The following PTPRQ variants were observed in gnomAD, a reference collection of about 807,000 sequenced individuals.
The protein encoded by PTPRQ is phosphatidylinositol phosphatase PTPRQ.
Under a neutral mutation model 246.0 loss-of-function variants are expected in PTPRQ, and 199 were observed. The ratio of observed to expected loss-of-function variants is 0.81; its 90% confidence interval spans 0.72 to 0.91. PTPRQ has a LOEUF of 0.91. Ranked by LOEUF, PTPRQ falls within the 40% of genes least tolerant of loss-of-function variation. The pLI is 0.00. For synonymous variants in PTPRQ, 869 were observed against 853.2 expected, an observed-to-expected ratio of 1.02 and a Z score of -0.32; for missense variants, 2,624 against 2,528.4, an observed-to-expected ratio of 1.04 and a Z score of -0.81.
chr12:80,620,303 G>GATA lies in PTPRQ; in HGVS notation c.5542_5544dup (p.Asn1848dup), dbSNP rs760739548. ...TGAAGAAATCTACATCATAGGTGCT[G>GATA]ATAATGCATGCATGATTCCTGGCAA... is the stretch of plus-strand genomic sequence containing the variant. On this transcript the variant is annotated inframe_insertion, in exon 32 of 45. Coordinates refer to ENST00000644991, the MANE Select transcript of PTPRQ (RefSeq NM_001145026.2). 1.1e-4 allele frequency: 173 copies of GATA among 1,549,398 alleles called. No homozygotes were observed. Among genetic ancestry groups the GATA allele is most frequent in the Non-Finnish European group, 1.5e-4 (167 of 1,145,574 alleles).
rs530416889 is a variant in PTPRQ at position 80,444,777 on chromosome 12, G to A, written c.91G>A (p.Asp31Asn). ...CAATGTCGTTCCTGGTACTAGGTAC[G>A]ATATAACCATCTCTTCAATTTCTAC... ...VSNVVPGTRY[D>N]ITISSISTTY... is the part of the protein sequence containing the mutation. The change falls in exon 2 of 45, where the codon GAT becomes AAT. Residue 31 changes from aspartate to asparagine, a missense_variant. By Grantham distance (23) the Asp-to-Asn change is conservative (BLOSUM62 1). Transcript: ENST00000644991. 3.2e-6 allele frequency: 5 copies of A among 1,539,818 alleles called. No homozygotes were observed. The highest frequency in any genetic ancestry group is 2.0e-5 in the Admixed American group (1 of 50,654).
chr12:80,642,852 G>A (rs1185114240), intron 35 of PTPRQ, among the ~76,000 whole-genome samples: 3 of 144,036 alleles, frequency 2.1e-5, no homozygotes, highest in Non-Finnish European at 4.5e-5. Flanking sequence ...CCCGGGAGGC[G>A]GAGCTTGCAG....
chr12:80,568,426 T>C (rs1386700699), intron 25 of PTPRQ, among the ~76,000 whole-genome samples: 2 of 152,328 alleles, frequency 1.3e-5, no homozygotes, highest in East Asian at 3.9e-4. Flanking sequence ...GCAAGAGTTC[T>C]CTTGGTGTGA....
intron 35 of PTPRQ, among the ~76,000 whole-genome samples, chr12:80,639,451 G>C (rs987827099): frequency 6.6e-6 from 1 of 152,000 alleles, no homozygotes; most frequent in East Asian, 1.9e-4. Context: ...GCCTATTTTA[G>C]TTGAGTGAAT....
chr12:80,673,102 T>A, intron 42 of PTPRQ, 67 bp from the exon 43 acceptor site: 1 of 1,534,856 alleles, frequency 6.5e-7, no homozygotes, highest in Non-Finnish European at 8.8e-7. Flanking sequence ...TAGCTCATTA[T>A]CTTTATCCCC....
chr12:80,446,658 C>T (rs974379067), intron 3 of PTPRQ, among the ~76,000 whole-genome samples: 1 of 151,954 alleles, frequency 6.6e-6, no homozygotes, highest in Admixed American at 6.6e-5. Flanking sequence ...ATAGCTCCCA[C>T]TTGTAAGTGA....
At position 80,506,131 on chromosome 12, in the gene PTPRQ, A is replaced by G. The variant is rs1443217431; in HGVS notation, c.2380A>G (p.Thr794Ala). The change falls in exon 15 of 45, where the codon ACA (threonine) becomes GCA (alanine). Residue 794 changes from threonine (T) to alanine (A), a missense_variant. Physicochemically the swap from Thr to Ala is moderately conservative, Grantham distance 58. Transcript: ENST00000644991. The part of the protein sequence containing the change: ...SSPNGIIQKY[T>A]IYLKRSNGNE... ...TCCCAATGGAATCATACAAAAATAT[A>G]CAATTTATCTCAAGAGAAGTAATGG... The G allele has an allele frequency of 1.3e-6, 2 of 1,539,874 alleles. No homozygotes were observed. Among genetic ancestry groups the G allele is most frequent in the Admixed American group, 2.0e-5 (1 of 49,012 alleles).
At chr12:80,450,923 C>G (rs1201947752) in intron 3 of PTPRQ, among the ~76,000 whole-genome samples, 6 of 152,148 alleles carry the variant, frequency 3.9e-5, no homozygotes, top group Admixed American at 3.9e-4. Context: ...CCCTCTTTTT[C>G]TATTGATTGG....
At chr12:80,678,828 A>AT in intron 44 of PTPRQ, 103 bp downstream of exon 44, 1 of 1,446,292 alleles carries the variant, frequency 6.9e-7, no homozygotes, top group Non-Finnish European at 9.1e-7. Flanking sequence ...AAGAAGCTGG[A>AT]TTAGTGCACA....
chr12:80,558,425 C>G (rs1336530702), intron 25 of PTPRQ, among the ~76,000 whole-genome samples: 1 of 151,320 alleles, frequency 6.6e-6, no homozygotes, highest in African/African-American at 2.4e-5. Context: ...ACCTCGGCCT[C>G]CCAAAGTGCT....
At chr12:80,539,739 A>T in intron 19 of PTPRQ, 37 bp from the exon 20 acceptor site, 1 of 1,493,850 alleles carries the variant, frequency 6.7e-7, no homozygotes, top group Non-Finnish European at 8.9e-7. Flanking sequence ...CATACTAAAA[A>T]AATACATTCT....
rs1249175131 is a variant in PTPRQ, at chr12:80,669,208, C to T, written c.6327+67C>T. 4 of 1,527,068 alleles carry T rather than the reference C, an allele frequency of 2.6e-6. No homozygotes were observed. In the East Asian group the frequency reaches 9.9e-5, roughly 38 times the overall value. 94.6% of individuals were successfully genotyped at this position (1,527,068 alleles called of 1,614,324 possible). A position where few individuals can be genotyped will look rare whatever the true frequency, so the allele number is the denominator to read the frequency against. On this transcript the variant is annotated intron_variant, in intron 40 of 44. Transcript: ENST00000644991. The stretch of plus-strand genomic sequence containing the variant: ...TGTGTTAACATATGTGTGAATATTT[C>T]ATCTAATACTGTGAGTCATCAATAA...
intron 33 of PTPRQ, among the ~76,000 whole-genome samples, chr12:80,628,103 G>A (rs1358255180): frequency 1.3e-5 from 2 of 151,910 alleles, no homozygotes; most frequent in Non-Finnish European, 2.9e-5. Flanking sequence ...ACCTAATAAA[G>A]AGGATTCTTT....
chr12:80,524,436 A>T (rs1235405230), intron 17 of PTPRQ, among the ~76,000 whole-genome samples: 2 of 152,146 alleles, frequency 1.3e-5, no homozygotes, highest in Non-Finnish European at 2.9e-5. Flanking sequence ...TGAGTCCATT[A>T]AACTTCTTTT....
At chr12:80,510,658 TTA>T (rs2120715424) in intron 17 of PTPRQ, among the ~76,000 whole-genome samples, 1 of 152,264 alleles carries the variant, frequency 6.6e-6, no homozygotes, top group East Asian at 1.9e-4. Context: ...AAACAAAAAA[TTA>T]TGTGTTACGC....
intron 25 of PTPRQ, among the ~76,000 whole-genome samples, chr12:80,555,915 G>A (rs1896631719): frequency 6.6e-6 from 1 of 152,082 alleles, no homozygotes; most frequent in Non-Finnish European, 1.5e-5. Context: ...GTGCCAGGTG[G>A]CATTGGGGAT....
chr12:80,474,395 G>A (rs2120556223), intron 8 of PTPRQ, among the ~76,000 whole-genome samples: 1 of 152,136 alleles, frequency 6.6e-6, no homozygotes, highest in African/African-American at 2.4e-5. Flanking sequence ...TAAATCTCCA[G>A]ATACTCATAG....
intron 14 of PTPRQ, among the ~76,000 whole-genome samples, chr12:80,497,535 T>C (rs1489126261): frequency 6.6e-6 from 1 of 152,042 alleles, no homozygotes; most frequent in African/African-American, 2.4e-5. Flanking sequence ...GGCGCTGGGA[T>C]TGGGGACCCC....
rs547091847 is a variant in PTPRQ, at chr12:80,569,162, A to G, written c.4286-18967A>G. Among the ~76,000 whole-genome samples, 12 of 146,304 alleles carry G rather than the reference A, an allele frequency of 8.2e-5. 1 individual carries two copies. Among genetic ancestry groups the G allele is most frequent in the African/African-American group, 3.0e-4 (12 of 39,556 alleles). On this transcript the variant is annotated intron_variant, in intron 25 of 44. Transcript: ENST00000644991. ...TTTTTTTTTTTTTACTTTTTAAAAA[A>G]TTTGTGTTCTCATTGTTCAATTCCC...
Sources: gnomAD v4.1 joint callset for allele counts (sites outside exome capture counted in the v4.1 genomes callset) on GRCh38, gnomAD v4.1.1 for gene constraint, MANE v1.5 for transcripts, NCBI Gene and HGNC (gene_info 2026-07-23, HGNC 2026-07-21) for gene names.